RTN4IP1: variants seen among roughly 807,000 people sequenced by gnomAD.
The protein encoded by RTN4IP1 is reticulon 4 interacting protein 1.
A neutral mutation model predicts 46.6 loss-of-function variants in RTN4IP1; 32 were observed. That is an observed-to-expected ratio of 0.69 (90% CI 0.52 to 0.92). RTN4IP1 has a LOEUF of 0.92. RTN4IP1 is among the 40% of genes least tolerant of loss of function. RTN4IP1 has a pLI of 0.00. For synonymous variants in RTN4IP1, 167 were observed against 161.8 expected, an observed-to-expected ratio of 1.03 and a Z score of -0.24; for missense variants, 424 against 485.8, an observed-to-expected ratio of 0.87 and a Z score of 1.20.
rs888483093 is a variant in RTN4IP1 at position 106,628,909 on chromosome 6, G to T, written c.113C>A (p.Pro38His). Residue 38 changes from proline to histidine, a missense_variant, in exon 1 of 9, where the codon CCT (proline) becomes CAT (histidine). By Grantham distance (77) the Pro-to-His change is moderately conservative. Coordinates refer to ENST00000369063, the MANE Select transcript of RTN4IP1 (RefSeq NM_032730.5). ...PSVRRISTTS[P>H]RSTVMPAWVI... ...CCAAGCAGGCATGACAGTGCTCCTA[G>T]GAGAGGTAGTACTAATCCTTCTAAC... The T allele has an allele frequency of 5.6e-6, 9 of 1,613,872 alleles. No homozygotes were observed. The highest frequency in any genetic ancestry group is 7.6e-6 in the Non-Finnish European group (9 of 1,179,802).
At chr6:106,624,935 C>CAAAA (rs1329840633) in intron 1 of RTN4IP1, among the ~76,000 whole-genome samples, 1 of 47,992 alleles carries the variant, frequency 2.1e-5, no homozygotes, top group Admixed American at 2.3e-4. Context: ...AGCTCTGTCT[C>CAAAA]AAAAAAAAAA....
At chr6:106,599,042 T>C (rs1211052653) in intron 5 of RTN4IP1, among the ~76,000 whole-genome samples, 1 of 151,986 alleles carries the variant, frequency 6.6e-6, no homozygotes, top group Non-Finnish European at 1.5e-5. Context: ...TTTTGTTTTT[T>C]TCACATCTTG....
intron 7 of RTN4IP1, among the ~76,000 whole-genome samples, chr6:106,587,253 A>C (rs1210985388): frequency 3.9e-5 from 6 of 152,270 alleles, no homozygotes; most frequent in African/African-American, 7.2e-5. Flanking sequence ...GACATGAAAC[A>C]GAGAGAGGGT....
chr6:106,587,931 T>C (rs1466592078), intron 6 of RTN4IP1, 69 bp from the exon 7 acceptor site: 1 of 1,364,752 alleles, frequency 7.3e-7, no homozygotes, highest in Non-Finnish European at 1.0e-6. Flanking sequence ...CTCCTTCCCT[T>C]CCAGTACCAG....
At chr6:106,624,504 G>A (rs1034675345) in intron 1 of RTN4IP1, among the ~76,000 whole-genome samples, 2 of 151,402 alleles carry the variant, frequency 1.3e-5, no homozygotes, top group African/African-American at 4.9e-5. Context: ...TGTGCGCCAC[G>A]TCTGGCTAAT....
intron 4 of RTN4IP1, among the ~76,000 whole-genome samples, chr6:106,614,712 T>A (rs1001175862): frequency 6.6e-6 from 1 of 152,024 alleles, no homozygotes; most frequent in African/African-American, 2.4e-5. Context: ...TTCAGAGAGA[T>A]CAAATTAAAA....
intron 5 of RTN4IP1, among the ~76,000 whole-genome samples, chr6:106,600,482 T>A (rs947297420): frequency 1.1e-4 from 16 of 152,124 alleles, no homozygotes; most frequent in Non-Finnish European, 1.0e-4. Context: ...TCTAGTACAC[T>A]CACAATGTTG....
intron 4 of RTN4IP1, among the ~76,000 whole-genome samples, chr6:106,615,596 T>C (rs1260303155): frequency 2.0e-5 from 3 of 152,092 alleles, no homozygotes; most frequent in Non-Finnish European, 4.4e-5. Flanking sequence ...TGCCTCAGCC[T>C]CCCGAGTAGC....
chr6:106,625,004 A>G (rs1776601618), intron 1 of RTN4IP1, among the ~76,000 whole-genome samples: 1 of 151,972 alleles, frequency 6.6e-6, no homozygotes, highest in African/African-American at 2.4e-5. Context: ...CAGCTAAATA[A>G]AACTGAAAAC....
intron 4 of RTN4IP1, among the ~76,000 whole-genome samples, chr6:106,603,983 A>C (rs1360066021): frequency 1.3e-5 from 2 of 152,230 alleles, no homozygotes; most frequent in Non-Finnish European, 2.9e-5. Context: ...CCTACAAAAA[A>C]AACACTTTTC....
chr6:106,612,758 C>T (rs1562150166), intron 4 of RTN4IP1, among the ~76,000 whole-genome samples: 1 of 152,030 alleles, frequency 6.6e-6, no homozygotes. Flanking sequence ...CTGCTCTGCC[C>T]TGACTCCCGC....
At chr6:106,574,391 T>G (rs1341258192) in intron 8 of RTN4IP1, among the ~76,000 whole-genome samples, 1 of 150,892 alleles carries the variant, frequency 6.6e-6, no homozygotes, top group Non-Finnish European at 1.5e-5. Flanking sequence ...TGCAGTGAAC[T>G]GAGATCGCGC....
rs1582373741 is a variant in RTN4IP1 at position 106,604,876 on chromosome 6, A to T, written c.621-1954T>A. ...TGCACCTGCACCTTATTACCTGCCC[A>T]GGTCTGCTGCCACCAACACTGACAG... is the stretch of plus-strand genomic sequence containing the variant. On this transcript the variant is annotated intron_variant, in intron 4 of 8. Coordinates refer to ENST00000369063, the MANE Select transcript of RTN4IP1 (RefSeq NM_032730.5). 2.6e-5 allele frequency among the ~76,000 whole-genome samples: 4 copies of T among 152,132 alleles called. No individual in the cohort carries two copies. The South Asian group carries it at 6.2e-4, about 24-fold the overall frequency.
At chr6:106,577,832 C>T (rs552330818) in intron 8 of RTN4IP1, among the ~76,000 whole-genome samples, 3 of 152,072 alleles carry the variant, frequency 2.0e-5, no homozygotes, top group South Asian at 4.1e-4. Context: ...AAGGGAGGTA[C>T]AGCCTCTAGA....
chr6:106,629,365 G>A lies in RTN4IP1; in HGVS notation c.-344C>T. Reference sequence around the variant, plus strand: ...CCCCTAGATCCCTGCCCTGTCCTGGGAGCCCTCGGCGGGACAAGCAGACAC... The same window carrying A: ...CCCCTAGATCCCTGCCCTGTCCTGGAAGCCCTCGGCGGGACAAGCAGACAC... On this transcript the variant is annotated 5_prime_UTR_variant, in exon 1 of 9. Transcript: ENST00000369063. The A allele has an allele frequency of 1.8e-6, 1 of 558,878 alleles. No individual in the cohort carries two copies. Among genetic ancestry groups the A allele is most frequent in the Non-Finnish European group, 3.2e-6 (1 of 315,134 alleles). 34.6% of individuals were successfully genotyped at this position (558,878 alleles called of 1,614,324 possible).
At chr6:106,586,497 G>C (rs1775487924) in intron 7 of RTN4IP1, among the ~76,000 whole-genome samples, 1 of 151,874 alleles carries the variant, frequency 6.6e-6, no homozygotes, top group South Asian at 2.1e-4. Flanking sequence ...TCAGCCTCCT[G>C]AGCAGCTGAA....
chr6:106,622,736 G>A, intron 2 of RTN4IP1, 82 bp downstream of exon 2: 7 of 1,417,026 alleles, frequency 4.9e-6, no homozygotes, highest in Non-Finnish European at 5.7e-6. Context: ...AAGTATCTGT[G>A]TCAGTGTGCG....
In RTN4IP1 at chr6:106,621,457, G is replaced by A. The variant is rs1226585429; in HGVS notation, c.463C>T (p.Leu155Phe). The change falls in exon 3 of 9, where the codon CTT becomes TTT. Residue 155 changes from leucine to phenylalanine, a missense_variant. Coordinates refer to ENST00000369063, the MANE Select transcript of RTN4IP1 (RefSeq NM_032730.5). ...AAVPPWKQGT[L>F]SEFVVVSGNE... Reference sequence around the variant, plus strand: ...CCACTGACTACAACAAACTCTGAAAGAGTGCCTTGTTTCCAAGGAGGAACT... The same window carrying A: ...CCACTGACTACAACAAACTCTGAAAAAGTGCCTTGTTTCCAAGGAGGAACT... 1.9e-6 allele frequency: 3 copies of A among 1,613,826 alleles called. No homozygotes were observed. Among genetic ancestry groups the A allele is most frequent in the Non-Finnish European group, 2.5e-6 (3 of 1,179,884 alleles).
chr6:106,596,860 TAA>T (rs1775805380), intron 5 of RTN4IP1, among the ~76,000 whole-genome samples: 1 of 152,228 alleles, frequency 6.6e-6, no homozygotes, highest in African/African-American at 2.4e-5. Context: ...TTTTGTTGTA[TAA>T]AAGATTCTTG....
Sources: gnomAD v4.1 joint callset for allele counts (sites outside exome capture counted in the v4.1 genomes callset) on GRCh38, gnomAD v4.1.1 for gene constraint, MANE v1.5 for transcripts, NCBI Gene and HGNC (gene_info 2026-07-23, HGNC 2026-07-21) for gene names.